Variants in PVT1 observed in about 807,000 individuals in gnomAD.
PVT1 encodes the protein CXCR4/PVT1 fusion.
intron 4 of PVT1, among the ~76,000 whole-genome samples, chr8:128,030,195 C>G (rs1356939764): frequency 2.0e-5 from 3 of 152,076 alleles, no homozygotes; most frequent in Non-Finnish European, 4.4e-5. Context: ...TATGCATACC[C>G]CTACACACAC....
chr8:127,946,978 A>T (rs767993604), intron 3 of PVT1: 2 of 152,152 alleles, frequency 1.3e-5, no homozygotes, highest in Non-Finnish European at 2.9e-5. Context: ...CCGTTCATTT[A>T]TATAACAAAT....
At chr8:128,066,398 T>C (rs1419528761) in intron 4 of PVT1, among the ~76,000 whole-genome samples, 1 of 152,242 alleles carries the variant, frequency 6.6e-6, no homozygotes, top group African/African-American at 2.4e-5. Flanking sequence ...GATGCTGAGA[T>C]TGAGCATGAT....
intron 4 of PVT1, among the ~76,000 whole-genome samples, chr8:128,020,757 G>C (rs923177337): frequency 1.3e-5 from 2 of 152,218 alleles, no homozygotes; most frequent in Non-Finnish European, 2.9e-5. Context: ...TAAGTTTGTA[G>C]TAATTTGTTA....
At chr8:128,092,075 C>A (rs4733830) in intron 5 of PVT1, among the ~76,000 whole-genome samples, 64,180 of 151,878 alleles carry the variant, frequency 0.42, 14,775 homozygotes, top group Non-Finnish European at 0.53. Flanking sequence ...GTGACACCTA[C>A]CTCTCCATCC....
chr8:127,930,594 G>A (rs1318397142), intron 3 of PVT1, among the ~76,000 whole-genome samples: 1 of 152,138 alleles, frequency 6.6e-6, no homozygotes, highest in African/African-American at 2.4e-5. Flanking sequence ...CAAAGATGGT[G>A]TGTGTGTGCA....
chr8:128,057,836 G>A (rs183100733), intron 4 of PVT1, among the ~76,000 whole-genome samples: 31 of 152,320 alleles, frequency 2.0e-4, no homozygotes, highest in African/African-American at 7.0e-4. Context: ...TGACAGCTGC[G>A]AGAGGTTACC....
At chr8:128,008,201 A>G (rs1455061804) in intron 4 of PVT1, among the ~76,000 whole-genome samples, 1 of 152,204 alleles carries the variant, frequency 6.6e-6, no homozygotes, top group Non-Finnish European at 1.5e-5. Context: ...AGGAATTTTT[A>G]ATGATCATTA....
At chr8:127,822,991 T>A (rs1320566297) in intron 2 of PVT1, among the ~76,000 whole-genome samples, 5 of 152,192 alleles carry the variant, frequency 3.3e-5, no homozygotes, top group Non-Finnish European at 7.3e-5. Context: ...GGAGGTTGTC[T>A]TGGAAGGAAA....
chr8:127,858,451 A>T (rs1057126367), intron 2 of PVT1, among the ~76,000 whole-genome samples: 4 of 134,674 alleles, frequency 3.0e-5, no homozygotes, highest in Middle Eastern at 3.9e-3. Context: ...AATAAATAAA[A>T]GATGGTCTTG....
intron 4 of PVT1, among the ~76,000 whole-genome samples, chr8:128,055,728 G>T (rs768413989): frequency 3.3e-5 from 5 of 152,240 alleles, no homozygotes; most frequent in Non-Finnish European, 5.9e-5. Flanking sequence ...TGGTGCTTCA[G>T]CTGGGGTGAC....
intron 2 of PVT1, among the ~76,000 whole-genome samples, chr8:127,874,937 G>GTGTGTGTGTGTGT (rs1563627450): frequency 6.9e-6 from 1 of 145,854 alleles, no homozygotes; most frequent in African/African-American, 2.7e-5. Context: ...TGTGTGTGTG[G>GTGTGTGTGTGTGT]GTGTGTGGCC....
chr8:127,871,092 T>A (rs1464556343), intron 2 of PVT1, among the ~76,000 whole-genome samples: 1 of 152,222 alleles, frequency 6.6e-6, no homozygotes, highest in Non-Finnish European at 1.5e-5. Context: ...AACCATGCCC[T>A]GTCTACCTCC....
At chr8:128,092,982 C>G (rs996003129) in intron 5 of PVT1, among the ~76,000 whole-genome samples, 1 of 152,214 alleles carries the variant, frequency 6.6e-6, no homozygotes, top group African/African-American at 2.4e-5. Context: ...GCTGCCCTCT[C>G]CCATCCTGCC....
At chr8:127,959,586 G>GA (rs34255005) in intron 3 of PVT1, among the ~76,000 whole-genome samples, 1,522 of 75,948 alleles carry the variant, frequency 0.02, 25 homozygotes, top group African/African-American at 0.033. Context: ...TCTGTCTCAG[G>GA]AAAAAAAAAA....
At position 127,898,432 on chromosome 8, in the gene PVT1, C is replaced by T. The variant is rs760648683; in HGVS notation, n.782+7434C>T. Among the ~76,000 whole-genome samples the T allele has an allele frequency of 3.3e-5, 5 of 152,194 alleles. No homozygotes were observed. Among genetic ancestry groups the T allele is most frequent in the East Asian group, 1.9e-4 (1 of 5,194 alleles). ...AACCCAGAGATCAGGCTTTTGAGGA[C>T]GGTAAAGCCTCAAGATACATTCTGT... On this transcript the variant is annotated intron_variant and non_coding_transcript_variant, in intron 3 of 10. Transcript: ENST00000651587. The surrounding 1 kb of genome is among the most constrained non-coding windows in gnomAD (Gnocchi z 4.4).
chr8:127,861,436 C>A (rs1815226942), intron 2 of PVT1, among the ~76,000 whole-genome samples: 1 of 152,212 alleles, frequency 6.6e-6, no homozygotes, highest in Non-Finnish European at 1.5e-5. Context: ...TGGCAAAACC[C>A]TGCCTCTACT....
chr8:127,949,542 C>T (rs1048108931), intron 3 of PVT1, among the ~76,000 whole-genome samples: 2 of 152,014 alleles, frequency 1.3e-5, no homozygotes, highest in African/African-American at 4.8e-5. Context: ...TCTCCCTATT[C>T]AGCCACCCCC....
chr8:128,039,748 G>A (rs1326751405), intron 4 of PVT1, among the ~76,000 whole-genome samples: 1 of 152,170 alleles, frequency 6.6e-6, no homozygotes, highest in Non-Finnish European at 1.5e-5. Context: ...TGTTGAAAGT[G>A]GACTGGAAGT....
chr8:127,803,019 G>A (rs1249940425), intron 2 of PVT1: 2 of 152,856 alleles, frequency 1.3e-5, no homozygotes, highest in African/African-American at 2.4e-5. Context: ...GGTGGCTGGT[G>A]GTGTGGGTGG....
Sources: allele counts gnomAD v4.1 joint callset (sites outside exome capture counted in the v4.1 genomes callset), GRCh38; gene constraint gnomAD v4.1.1; non-coding constraint Gnocchi (gnomAD v3.1); transcripts MANE v1.5; gene names NCBI Gene and HGNC (gene_info 2026-07-23, HGNC 2026-07-21).